Variants in PDE1C observed in about 807,000 individuals in gnomAD.
The protein encoded by PDE1C is dual specificity calcium/calmodulin-dependent 3',5'-cyclic nucleotide phosphodiesterase 1C.
A neutral mutation model predicts 93.1 loss-of-function variants in PDE1C; 62 were observed. That is an observed-to-expected ratio of 0.67 (90% CI 0.54 to 0.82). PDE1C has a LOEUF of 0.82. Ranked by LOEUF, PDE1C falls within the 40% of genes least tolerant of loss-of-function variation. The pLI is 0.00. For synonymous variants in PDE1C, 325 were observed against 310.1 expected, an observed-to-expected ratio of 1.05 and a Z score of -0.50; for missense variants, 742 against 884.6, an observed-to-expected ratio of 0.84 and a Z score of 2.04.
chr7:31,916,348 T>C (rs1341108363), intron 2 of PDE1C, among the ~76,000 whole-genome samples: 1 of 152,200 alleles, frequency 6.6e-6, no homozygotes, highest in Admixed American at 6.5e-5. Flanking sequence ...ATTGAATTAC[T>C]GAGTACTTTA....
intron 2 of PDE1C, among the ~76,000 whole-genome samples, chr7:31,913,636 G>A (rs1057178782): frequency 6.6e-6 from 1 of 152,126 alleles, no homozygotes; most frequent in African/African-American, 2.4e-5. Context: ...ATCATTTAAG[G>A]CAACTCAAGT....
Position 31,755,374 on chromosome 7 carries a change from T to G in PDE1C, c.1961-1821A>C, listed in dbSNP as rs1024096531. On this transcript the variant is annotated intron_variant, in intron 17 of 17. Transcript: ENST00000396191. The stretch of plus-strand genomic sequence containing the variant: ...TCTATCAGCTGAAGGGGAGGGGGTC[T>G]AGGACCAACGAAGTCACTACAAATC... 2.6e-4 allele frequency among the ~76,000 whole-genome samples: 40 copies of G among 152,312 alleles called. 1 individual carries two copies. The highest frequency in any genetic ancestry group is 9.6e-4 in the African/African-American group (40 of 41,564).
intron 1 of PDE1C, among the ~76,000 whole-genome samples, chr7:32,391,698 C>T (rs1257130317): frequency 2.0e-5 from 3 of 151,914 alleles, no homozygotes; most frequent in Admixed American, 6.6e-5. Flanking sequence ...ATCTGAAATC[C>T]ACAAATATTT....
intron 1 of PDE1C, among the ~76,000 whole-genome samples, chr7:32,240,985 G>A (rs1808505497): frequency 6.6e-6 from 1 of 152,194 alleles, no homozygotes; most frequent in Non-Finnish European, 1.5e-5. Flanking sequence ...GGCAGGTCAA[G>A]GATGACTGTA....
intron 3 of PDE1C, among the ~76,000 whole-genome samples, chr7:32,154,071 T>C (rs1392502431): frequency 1.3e-5 from 2 of 152,132 alleles, no homozygotes; most frequent in Non-Finnish European, 2.9e-5. Flanking sequence ...CTGGGCAACA[T>C]GATGAAACCC....
At chr7:32,370,989 T>C (rs1033743673) in intron 1 of PDE1C, among the ~76,000 whole-genome samples, 2 of 151,292 alleles carry the variant, frequency 1.3e-5, no homozygotes, top group Non-Finnish European at 2.9e-5. Context: ...TTCTCACTCA[T>C]ATATGGAAGT....
the PDE1C span, among the ~76,000 whole-genome samples, chr7:31,671,611 C>CT: frequency 6.6e-6 from 1 of 152,170 alleles, no homozygotes; most frequent in East Asian, 1.9e-4. Context: ...ACTGGAATGT[C>CT]TGGCTATCTT....
At chr7:32,173,768 T>C (rs898737500) in intron 2 of PDE1C, among the ~76,000 whole-genome samples, 1 of 152,096 alleles carries the variant, frequency 6.6e-6, no homozygotes, top group African/African-American at 2.4e-5. Context: ...CAGCCCACCA[T>C]AGAAGAAATC....
chr7:31,951,921 C>A (rs1807430568), intron 2 of PDE1C, among the ~76,000 whole-genome samples: 1 of 152,138 alleles, frequency 6.6e-6, no homozygotes, highest in Non-Finnish European at 1.5e-5. Flanking sequence ...TTCCACTTGC[C>A]CCACCACTGT....
chr7:32,354,905 C>CT (rs1422647528), intron 1 of PDE1C, among the ~76,000 whole-genome samples: 1 of 152,214 alleles, frequency 6.6e-6, no homozygotes, highest in Non-Finnish European at 1.5e-5. Flanking sequence ...TAAGCTTTTT[C>CT]TTTTTACATT....
At chr7:31,896,423 T>C (rs1799334630) in intron 2 of PDE1C, among the ~76,000 whole-genome samples, 1 of 152,190 alleles carries the variant, frequency 6.6e-6, no homozygotes, top group Admixed American at 6.5e-5. Flanking sequence ...ACTAGCTCTT[T>C]TGATCTACTT....
chr7:31,676,599 G>T, the PDE1C span, among the ~76,000 whole-genome samples: 1 of 152,132 alleles, frequency 6.6e-6, no homozygotes, highest in African/African-American at 2.4e-5. Flanking sequence ...GTGTGTTTGT[G>T]TGGGTGTGGG....
intron 2 of PDE1C, among the ~76,000 whole-genome samples, chr7:32,003,075 C>T (rs1041290787): frequency 1.3e-5 from 2 of 152,158 alleles, no homozygotes; most frequent in African/African-American, 4.8e-5. Context: ...TTCATTTCTG[C>T]AAAGTTTAAG....
rs1284977622 is a variant in PDE1C at position 31,873,370 on chromosome 7, A to G, written c.531T>C (p.Asn177=). Residue 177 remains asparagine, a synonymous_variant, in exon 6 of 18, where the codon AAT becomes AAC. Coordinates refer to ENST00000396191, the MANE Select transcript of PDE1C (RefSeq NM_001191057.4). The stretch of plus-strand genomic sequence containing the variant: ...TCAGTGCATGATCCCCACTGGCCTC[A>G]TTGAGGGAAAAGACGTCAAAGGACC... ...DKWSFDVFSL[N]EASGDHALKF... 1 of 1,613,662 alleles carries G rather than the reference A, an allele frequency of 6.2e-7. No individual in the cohort carries two copies. The highest frequency in any genetic ancestry group is 1.1e-5 in the South Asian group (1 of 91,048).
At chr7:32,334,906 CCATA>C (rs1245309738) in intron 1 of PDE1C, among the ~76,000 whole-genome samples, 1 of 152,022 alleles carries the variant, frequency 6.6e-6, no homozygotes, top group African/African-American at 2.4e-5. Context: ...AAATTTTACA[CCATA>C]AATATATACT....
In PDE1C at chr7:31,987,925, TG is replaced by T. The variant is rs1196704077; in HGVS notation, c.128+63628del. 2.6e-5 allele frequency among the ~76,000 whole-genome samples: 4 copies of T among 152,350 alleles called. No individual in the cohort carries two copies. The East Asian group carries it at 7.7e-4, about 29-fold the overall frequency. Reference sequence around the variant, plus strand: ...TCTGTTCTCCACCCTTCTCTGTGCCTGGGGGTGACTGTGGATGGGCCATCGC... The same window carrying T: ...TCTGTTCTCCACCCTTCTCTGTGCCTGGGGTGACTGTGGATGGGCCATCGC... On this transcript the variant is annotated intron_variant, in intron 2 of 17. Coordinates refer to ENST00000396191, the MANE Select transcript of PDE1C (RefSeq NM_001191057.4).
chr7:32,095,220 C>G (rs899292949), intron 3 of PDE1C, among the ~76,000 whole-genome samples: 2 of 152,204 alleles, frequency 1.3e-5, no homozygotes, highest in Non-Finnish European at 2.9e-5. Flanking sequence ...CCATGCTCAG[C>G]TTGCCTGAAG....
At chr7:31,711,275 T>C in the PDE1C span, among the ~76,000 whole-genome samples, 3 of 152,350 alleles carry the variant, frequency 2.0e-5, no homozygotes, top group South Asian at 4.1e-4. Context: ...TCAAATCATA[T>C]GTATTTTATT....
intron 2 of PDE1C, among the ~76,000 whole-genome samples, chr7:32,036,071 C>T (rs1791034344): frequency 6.6e-6 from 1 of 152,178 alleles, no homozygotes; most frequent in Non-Finnish European, 1.5e-5. Context: ...GCCAGCCTCA[C>T]AGGTACCACA....
Sources: allele counts gnomAD v4.1 joint callset (sites outside exome capture counted in the v4.1 genomes callset), GRCh38; gene constraint gnomAD v4.1.1; transcripts MANE v1.5; gene names NCBI Gene and HGNC (gene_info 2026-07-23, HGNC 2026-07-21).